The following ATP10B variants were observed in gnomAD, a reference collection of about 807,000 sequenced individuals.
ATP10B encodes the protein ATPase phospholipid transporting 10B (putative).
In ATP10B, 122 loss-of-function variants were observed where a neutral mutation model predicts 141.2. The observed-to-expected ratio is 0.86, with a 90% CI of 0.75 to 1.00. The LOEUF is 1.00. ATP10B is among the 50% of genes least tolerant of loss of function. The pLI, the probability that ATP10B is intolerant of heterozygous loss-of-function variation, is 0.00. For missense variants in ATP10B, 1,876 were observed against 1,825.3 expected (o/e 1.03, Z -0.51); for synonymous variants, 685 against 692.0 (o/e 0.99, Z 0.16).
the ATP10B span, among the ~76,000 whole-genome samples, chr5:160,860,301 T>TA: frequency 6.6e-6 from 1 of 151,936 alleles, no homozygotes; most frequent in African/African-American, 2.4e-5. Flanking sequence ...AACAAGAATA[T>TA]ATTAAAAGAT....
At chr5:160,673,101 G>A (rs770272285) in intron 6 of ATP10B, among the ~76,000 whole-genome samples, 39 of 152,302 alleles carry the variant, frequency 2.6e-4, no homozygotes, top group Non-Finnish European at 2.9e-4. Context: ...CAGCAGACAC[G>A]GTTAAATGTC....
At chr5:160,753,879 A>G (rs1768334018) in intron 2 of ATP10B, among the ~76,000 whole-genome samples, 1 of 152,186 alleles carries the variant, frequency 6.6e-6, no homozygotes, top group Admixed American at 6.5e-5. Flanking sequence ...TGAGGTCAAG[A>G]CTGAAACTCT....
intron 1 of ATP10B, among the ~76,000 whole-genome samples, chr5:160,791,296 T>C (rs1561857494): frequency 6.6e-6 from 1 of 152,144 alleles, no homozygotes; most frequent in Non-Finnish European, 1.5e-5. Context: ...TGGTAATATG[T>C]TAGGGCAGCA....
rs977512222 is a variant in ATP10B at position 160,630,390 on chromosome 5, T to C, written c.1620+1739A>G. Among the ~76,000 whole-genome samples, 35 of 152,306 alleles carry C rather than the reference T, an allele frequency of 2.3e-4. 1 individual carries two copies. The highest frequency in any genetic ancestry group is 7.9e-4 in the African/African-American group (33 of 41,578). Reference sequence around the variant, plus strand: ...GACCAGGGATGCAGTTTTTCTGGGCTGCTGAGACTTGTCAGACTGAACAAG... The same window carrying C: ...GACCAGGGATGCAGTTTTTCTGGGCCGCTGAGACTTGTCAGACTGAACAAG... On this transcript the variant is annotated intron_variant, in intron 13 of 25. Transcript: ENST00000327245.
chr5:160,650,721 T>C (rs917188995), intron 7 of ATP10B, among the ~76,000 whole-genome samples: 1 of 152,228 alleles, frequency 6.6e-6, no homozygotes, highest in African/African-American at 2.4e-5. Flanking sequence ...TGTCTTCAGA[T>C]GAATGCACAC....
rs188715684 is a variant in ATP10B at position 160,806,988 on chromosome 5, A to C, written c.-575-21185T>G. Among the ~76,000 whole-genome samples, 37 of 152,312 alleles carry C rather than the reference A, an allele frequency of 2.4e-4. 1 individual carries two copies. Among genetic ancestry groups the C allele is most frequent in the Non-Finnish European group, 1.2e-4 (8 of 68,020 alleles). On this transcript the variant is annotated intron_variant, in intron 1 of 25. Transcript: ENST00000327245. ...AATTAGCCTCATTTTCAAGAAAAGA[A>C]AAGACAAACGGGGAAGAAAAAGTAC...
In ATP10B at chr5:160,673,456, T is replaced by C. The variant is rs1337935830; in HGVS notation, c.471-2789A>G. ...TTGTACTCATTTAGTTATTTAAAAATATATAATTGAATTATTATTGACTAT... is the reference window on the plus strand; with the variant it reads ...TTGTACTCATTTAGTTATTTAAAAACATATAATTGAATTATTATTGACTAT... On this transcript the variant is annotated intron_variant, in intron 6 of 25. Coordinates refer to ENST00000327245, the MANE Select transcript of ATP10B (RefSeq NM_025153.3). 3.9e-5 allele frequency among the ~76,000 whole-genome samples: 6 copies of C among 152,220 alleles called. No homozygotes were observed. In the East Asian group the frequency reaches 7.7e-4, roughly 20 times the overall value.
the ATP10B span, among the ~76,000 whole-genome samples, chr5:160,867,517 G>A: frequency 1.3e-5 from 2 of 152,140 alleles, no homozygotes; most frequent in Admixed American, 6.6e-5. Context: ...ATAGCAGAAT[G>A]TCAAGGAACT....
chr5:160,870,855 G>A, the ATP10B span, among the ~76,000 whole-genome samples: 4 of 151,664 alleles, frequency 2.6e-5, no homozygotes, highest in South Asian at 2.1e-4. Flanking sequence ...ACACCATACT[G>A]TAGGTATAGA....
At chr5:160,756,385 T>C (rs2127831888) in intron 2 of ATP10B, among the ~76,000 whole-genome samples, 1 of 152,316 alleles carries the variant, frequency 6.6e-6, no homozygotes, top group African/African-American at 2.4e-5. Flanking sequence ...CTTGGATAAA[T>C]ACTTAGGAGG....
chr5:160,649,130 G>T, intron 8 of ATP10B, 41 bp downstream of exon 8: 1 of 1,374,308 alleles, frequency 7.3e-7, no homozygotes, highest in Non-Finnish European at 1.0e-6. Context: ...TCTAGCTGCA[G>T]CGGAGATATT....
intron 3 of ATP10B, among the ~76,000 whole-genome samples, chr5:160,699,879 C>G (rs1403155834): frequency 6.6e-6 from 1 of 152,032 alleles, no homozygotes; most frequent in Non-Finnish European, 1.5e-5. Flanking sequence ...TCAATATTCA[C>G]TTAGAAATAT....
At chr5:160,703,627 G>T (rs1764806778) in intron 3 of ATP10B, among the ~76,000 whole-genome samples, 1 of 147,886 alleles carries the variant, frequency 6.8e-6, no homozygotes, top group South Asian at 2.1e-4. Flanking sequence ...CAGGCACCTG[G>T]GTAATTTTTG....
rs1314962 is a variant in ATP10B, at chr5:160,653,398, C to T, written c.676-4142G>A. Among the ~76,000 whole-genome samples the T allele has an allele frequency of 9.1e-3, 517 of 56,882 alleles. 60 individuals carry two copies. The highest frequency in any genetic ancestry group is 0.033 in the African/African-American group (453 of 13,818). 37.3% of individuals were successfully genotyped at this position (56,882 alleles called of 152,430 possible). A position where few individuals can be genotyped will look rare whatever the true frequency, so the allele number is the denominator to read the frequency against. On this transcript the variant is annotated intron_variant, in intron 7 of 25. Transcript: ENST00000327245. Reference sequence around the variant, plus strand: ...CATACATAGGTAGTATATATACATACGTACATACATACATAGGTAGTATAT... The same window carrying T: ...CATACATAGGTAGTATATATACATATGTACATACATACATAGGTAGTATAT...
chr5:160,750,387 G>C (rs1768073286), intron 2 of ATP10B, among the ~76,000 whole-genome samples: 1 of 152,136 alleles, frequency 6.6e-6, no homozygotes, highest in Non-Finnish European at 1.5e-5. Context: ...CTCCATCACT[G>C]ACTCCTGTTT....
At chr5:160,862,111 G>T in the ATP10B span, among the ~76,000 whole-genome samples, 2 of 151,936 alleles carry the variant, frequency 1.3e-5, no homozygotes, top group African/African-American at 4.8e-5. Flanking sequence ...AGGATTTTGG[G>T]ACTATGGTGG....
intron 7 of ATP10B, among the ~76,000 whole-genome samples, chr5:160,652,937 A>T (rs1468820259): frequency 2.3e-5 from 2 of 85,604 alleles, no homozygotes; most frequent in East Asian, 3.0e-4. Flanking sequence ...TTATATATAC[A>T]TGTATATATA....
intron 16 of ATP10B, among the ~76,000 whole-genome samples, chr5:160,617,062 G>A (rs913204396): frequency 4.6e-5 from 7 of 152,164 alleles, no homozygotes; most frequent in Non-Finnish European, 1.0e-4. Flanking sequence ...GCTTTAAAGT[G>A]GGCACTCCTG....
At chr5:160,566,555 G>A (rs1272769282) in intron 25 of ATP10B, among the ~76,000 whole-genome samples, 5 of 152,118 alleles carry the variant, frequency 3.3e-5, no homozygotes, top group Admixed American at 2.0e-4. Flanking sequence ...AGACGTTAAC[G>A]GATCTCCCTG....
Sources: allele counts gnomAD v4.1 joint callset (sites outside exome capture counted in the v4.1 genomes callset), GRCh38; gene constraint gnomAD v4.1.1; transcripts MANE v1.5; gene names NCBI Gene and HGNC (gene_info 2026-07-23, HGNC 2026-07-21).